DMKN: variants seen among roughly 807,000 people sequenced by gnomAD.
DMKN encodes epidermis-specific secreted protein SK30/SK89.
A neutral mutation model predicts 67.6 loss-of-function variants in DMKN; 58 were observed. The ratio of observed to expected loss-of-function variants is 0.86; its 90% CI spans 0.69 to 1.07. DMKN has a LOEUF of 1.07. Among genes scored for constraint, DMKN ranks in the 50% least tolerant of loss-of-function variants. DMKN has a pLI of 0.00. For missense variants in DMKN, 596 were observed against 601.5 expected, an observed-to-expected ratio of 0.99 and a Z score of 0.10; for synonymous variants, 240 against 232.3, an observed-to-expected ratio of 1.03 and a Z score of -0.30.
intron 11 of DMKN, 21 bp downstream of exon 11, chr19:35,502,115 G>A: frequency 6.2e-7 from 1 of 1,614,128 alleles, no homozygotes; most frequent in Non-Finnish European, 8.5e-7. Context: ...TCCCAGAGCT[G>A]AGAAGTCCTG....
intron 7 of DMKN, chr19:35,509,630 C>T: frequency 2.4e-6 from 1 of 418,116 alleles, no homozygotes; most frequent in South Asian, 3.8e-5. Flanking sequence ...GGATAGAGGA[C>T]ATTTAAGACA....
In DMKN at chr19:35,500,598, C is replaced by A; in HGVS notation, c.1240-18G>T. On this transcript the variant is annotated intron_variant, in intron 11 of 15. Transcript: ENST00000339686. ...TCCGCACCCTGAAAGGAAGAAGGGGCCACAGTTCGTGCCTCCGCAGTCGTG... is the reference window on the plus strand; with the variant it reads ...TCCGCACCCTGAAAGGAAGAAGGGGACACAGTTCGTGCCTCCGCAGTCGTG... 1 of 1,601,374 alleles carries A rather than the reference C, an allele frequency of 6.2e-7. No homozygotes were observed. Among genetic ancestry groups the A allele is most frequent in the Non-Finnish European group, 8.5e-7 (1 of 1,170,680 alleles).
intron 9 of DMKN, among the ~76,000 whole-genome samples, chr19:35,503,706 C>T (rs796650751): frequency 4.6e-5 from 7 of 152,162 alleles, no homozygotes; most frequent in African/African-American, 1.7e-4. Flanking sequence ...AGACTCCTGA[C>T]CTCAAGTGAT....
intron 3 of DMKN, 105 bp downstream of exon 3, chr19:35,512,316 C>A: frequency 6.8e-7 from 1 of 1,465,432 alleles, no homozygotes; most frequent in East Asian, 2.4e-5. Context: ...TCCTCTCACC[C>A]CAATCCCTCC....
At chr19:35,511,320 G>C in intron 5 of DMKN, 91 bp downstream of exon 5, 1 of 1,581,148 alleles carries the variant, frequency 6.3e-7, no homozygotes, top group Non-Finnish European at 8.6e-7. Flanking sequence ...CTCGGGCAGC[G>C]GCAGCTTTCA....
At position 35,505,748 on chromosome 19, in the gene DMKN, C is replaced by T. The variant is rs2069351278; in HGVS notation, c.1104G>A (p.Leu368=). Reference sequence around the variant, plus strand: ...TTATGGCATCCCAGTTGATGAAACCCAGCTTGGATTTAAAATTCTATGGAG... The same window carrying T: ...TTATGGCATCCCAGTTGATGAAACCTAGCTTGGATTTAAAATTCTATGGAG... ...DTFWKNFKSK[L]GFINWDAINK... The change falls in exon 9 of 16, where the codon CTG becomes CTA. Residue 368 remains leucine, a synonymous_variant. Coordinates refer to ENST00000339686, the MANE Select transcript of DMKN (RefSeq NM_033317.5). The T allele has an allele frequency of 6.2e-7, 1 of 1,614,102 alleles. No homozygotes were observed. The highest frequency in any genetic ancestry group is 8.5e-7 in the Non-Finnish European group (1 of 1,180,028).
chr19:35,498,704 T>G lies in DMKN; in HGVS notation c.*12A>C. 6.2e-7 allele frequency: 1 copy of G among 1,613,826 alleles called. No individual in the cohort carries two copies. On this transcript the variant is annotated intron_variant, in intron 15 of 15. Coordinates refer to ENST00000339686, the MANE Select transcript of DMKN (RefSeq NM_033317.5). ...CAGGATGTGGCCTGGGTCGGCTCAC[T>G]CTGACACTCACCTACCAAAACTTCA... is the stretch of plus-strand genomic sequence containing the variant.
At chr19:35,507,546 G>T in intron 7 of DMKN, 1 of 1,546,674 alleles carries the variant, frequency 6.5e-7, no homozygotes, top group South Asian at 1.2e-5. Flanking sequence ...AGTTGATGGG[G>T]AGGCAGGCGG....
chr19:35,508,066 C>T (rs2069941379), intron 7 of DMKN: 3 of 1,140,694 alleles, frequency 2.6e-6, no homozygotes, highest in Non-Finnish European at 3.8e-6. Flanking sequence ...CCCATCAGTA[C>T]TTCCTCGTTC....
chr19:35,508,531 C>T, intron 7 of DMKN: 1 of 280,408 alleles, frequency 3.6e-6, no homozygotes, highest in Non-Finnish European at 6.7e-6. Context: ...CCCCAAAATA[C>T]TAAGGTATTT....
At chr19:35,506,142 C>T (rs1358568934) in intron 7 of DMKN, 156 bp from the exon 8 acceptor site, 3 of 1,560,742 alleles carry the variant, frequency 1.9e-6, no homozygotes, top group Non-Finnish European at 8.6e-7. Context: ...ATTGACTCCA[C>T]CAACAGCGTC....
rs776993220 is a variant in DMKN, at chr19:35,506,920, T to TGTGCTCAGGTAATCCCAG, written c.1039-935_1039-934insCTGGGATTACCTGAGCAC. 240 of 199,664 alleles carry TGTGCTCAGGTAATCCCAG rather than the reference T, an allele frequency of 1.2e-3. 3 individuals carry two copies. The highest frequency in any genetic ancestry group is 0.011 in the Middle Eastern group (5 of 470). The allele number at this position is 199,664 out of a possible 1,614,324, so 12.4% of individuals were successfully genotyped here. On this transcript the variant is annotated intron_variant, in intron 7 of 15. Transcript: ENST00000339686. ...CCCAGCTACTTGGGAGGCTGAGGCA[T>TGTGCTCAGGTAATCCCAG]GTAATCCTAGCTACCTGGGATTACA...
intron 11 of DMKN, chr19:35,501,721 C>T (rs931419074): frequency 2.1e-5 from 26 of 1,260,254 alleles, no homozygotes; most frequent in Middle Eastern, 2.2e-4. Flanking sequence ...CCCTGCACAC[C>T]GCCCTCCCGT....
rs1253127268 is a variant in DMKN at position 35,511,286 on chromosome 19, C to T, written c.918+125G>A. The T allele has an allele frequency of 1.2e-5, 18 of 1,521,842 alleles. No individual in the cohort carries two copies. In the East Asian group the frequency reaches 3.4e-4, roughly 29 times the overall value. The allele number at this position is 1,521,842 out of a possible 1,614,324, so 94.3% of individuals were successfully genotyped here. A position where few individuals can be genotyped will look rare whatever the true frequency, so the allele number is the denominator to read the frequency against. ...GGAGGCTGAGGGAGCCTCAGGGTGA[C>T]GACTATCAGCGAGGCCGCCCATCCT... is the stretch of plus-strand genomic sequence containing the variant. On this transcript the variant is annotated intron_variant, in intron 5 of 15. Coordinates refer to ENST00000339686, the MANE Select transcript of DMKN (RefSeq NM_033317.5).
At chr19:35,502,354 T>C (rs76513756) in intron 10 of DMKN, among the ~76,000 whole-genome samples, 171 bp from the exon 11 acceptor site, 2,297 of 151,846 alleles carry the variant, frequency 0.015, 52 homozygotes, top group African/African-American at 0.051. Flanking sequence ...CTTGAGATGG[T>C]ATTGGTGATA....
At chr19:35,505,695 C>A (rs200345795) in intron 9 of DMKN, 23 bp downstream of exon 9, 2 of 1,614,050 alleles carry the variant, frequency 1.2e-6, no homozygotes, top group Non-Finnish European at 1.7e-6. Flanking sequence ...TAGCCCTCTC[C>A]GACGAAGATG....
chr19:35,512,226 G>A (rs1267213048), intron 3 of DMKN, among the ~76,000 whole-genome samples, 195 bp downstream of exon 3: 1 of 151,994 alleles, frequency 6.6e-6, no homozygotes, highest in Non-Finnish European at 1.5e-5. Flanking sequence ...TTGAACTCCT[G>A]ACCTCAGGTG....
At chr19:35,509,290 T>A (rs1477055304) in intron 7 of DMKN, among the ~76,000 whole-genome samples, 1 of 152,024 alleles carries the variant, frequency 6.6e-6, no homozygotes, top group Non-Finnish European at 1.5e-5. Context: ...AAAAAACCAG[T>A]TTGTTCCCAT....
intron 12 of DMKN, 88 bp from the exon 13 acceptor site, chr19:35,500,117 A>G (rs2068103013): frequency 6.8e-7 from 1 of 1,477,244 alleles, no homozygotes; most frequent in Non-Finnish European, 9.5e-7. Flanking sequence ...TGCCTGGACC[A>G]GACCTTTCCT....
Sources: allele counts gnomAD v4.1 joint callset (sites outside exome capture counted in the v4.1 genomes callset), GRCh38; gene constraint gnomAD v4.1.1; transcripts MANE v1.5; gene names NCBI Gene and HGNC (gene_info 2026-07-23, HGNC 2026-07-21).